The following UBN2 variants were observed in gnomAD, a reference collection of about 807,000 sequenced individuals.
The protein encoded by UBN2 is ubinuclein-2.
Under a neutral mutation model 120.2 loss-of-function variants are expected in UBN2, and 35 were observed. The observed-to-expected ratio is 0.29, with a 90% CI of 0.22 to 0.39. UBN2 has a LOEUF of 0.39. Among genes scored for constraint, UBN2 ranks in the 10% least tolerant of loss-of-function variants. UBN2 has a pLI of 1.00. For missense variants in UBN2, 1,693 were observed against 1,663.2 expected, an observed-to-expected ratio of 1.02 and a Z score of -0.31; for synonymous variants, 661 against 648.7, an observed-to-expected ratio of 1.02 and a Z score of -0.29.
chr7:139,273,101 A>G (rs1797337008), intron 9 of UBN2, among the ~76,000 whole-genome samples, 196 bp from the exon 10 acceptor site: 1 of 152,228 alleles, frequency 6.6e-6, no homozygotes, highest in Admixed American at 6.5e-5. Context: ...GTGCCTTTAC[A>G]TTATAATCTG....
intron 13 of UBN2, among the ~76,000 whole-genome samples, chr7:139,280,005 C>T (rs545447983): frequency 6.6e-6 from 1 of 152,314 alleles, no homozygotes; most frequent in South Asian, 2.1e-4. Flanking sequence ...GTTTCAGTTA[C>T]ACTACCTCTA....
chr7:139,261,394 T>C lies in UBN2; in HGVS notation c.1048T>C (p.Leu350=), dbSNP rs774640695. Residue 350 remains leucine, a synonymous_variant, in exon 6 of 18, where the codon TTG becomes CTG. Coordinates refer to ENST00000473989, the MANE Select transcript of UBN2 (RefSeq NM_173569.4). ...GTCTAACCCCAAAGTCCCAGTGACCTTGTCAACCCCTTCTCTGAATAAACC... is the reference window on the plus strand; with the variant it reads ...GTCTAACCCCAAAGTCCCAGTGACCCTGTCAACCCCTTCTCTGAATAAACC... ...KESNPKVPVT[L]STPSLNKPPC... is the part of the protein sequence containing the mutation. 5 of 1,614,076 alleles carry C rather than the reference T, an allele frequency of 3.1e-6. No individual in the cohort carries two copies. In the African/African-American group the frequency reaches 6.7e-5, roughly 22 times the overall value.
At chr7:139,309,371 G>A (rs938550773), downstream of UBN2, among the ~76,000 whole-genome samples, 2 of 152,338 alleles carry the variant, frequency 1.3e-5, no homozygotes, top group South Asian at 4.1e-4. Context: ...GAGGGGGACT[G>A]TAAGTGCCTT....
intron 1 of UBN2, among the ~76,000 whole-genome samples, chr7:139,235,058 G>C (rs1220795467): frequency 6.6e-6 from 1 of 151,810 alleles, no homozygotes. Context: ...TGTTTTTGTA[G>C]GCTGTCAAGA....
rs889179822 is a variant in UBN2 at position 139,275,582 on chromosome 7, C to CA, written c.1974-503dup. Among the ~76,000 whole-genome samples the CA allele has an allele frequency of 9.7e-3, 1,125 of 116,002 alleles. 6 individuals are homozygous for CA. Among genetic ancestry groups the CA allele is most frequent in the African/African-American group, 0.028 (895 of 31,648 alleles). 76.1% of individuals were successfully genotyped at this position (116,002 alleles called of 152,430 possible). ...TGGGTGACAGAGCGAGACTCTGTCT[C>CA]AAAAAAAAAAAACGAGTTAAGTAAA... On this transcript the variant is annotated intron_variant, in intron 11 of 17. Transcript: ENST00000473989.
chr7:139,284,845 C>G (rs1394834797), intron 15 of UBN2, among the ~76,000 whole-genome samples: 1 of 152,040 alleles, frequency 6.6e-6, no homozygotes, highest in African/African-American at 2.4e-5. Context: ...TCATTACAAG[C>G]AACCATCACT....
At chr7:139,249,734 C>A (rs1202818222) in intron 2 of UBN2, among the ~76,000 whole-genome samples, 1 of 152,052 alleles carries the variant, frequency 6.6e-6, no homozygotes, top group Non-Finnish European at 1.5e-5. Flanking sequence ...GAGATAGGGT[C>A]TCGCTCTGTC....
chr7:139,314,183 G>A, the UBN2 span, among the ~76,000 whole-genome samples: 24 of 150,386 alleles, frequency 1.6e-4, no homozygotes, highest in African/African-American at 5.8e-4. Context: ...GTGGCTGGGT[G>A]CAGTGGTTCA....
In UBN2 at chr7:139,304,660, G is replaced by A. The variant is rs1798326544; in HGVS notation, c.*6824G>A. On this transcript the variant is annotated 3_prime_UTR_variant, in exon 18 of 18. Transcript: ENST00000473989. Reference sequence around the variant, plus strand: ...CAGGTCCAAGCAGACAAAGCATCTGGTTAATTTCCAGAATTGGCTAAGGTC... The same window carrying A: ...CAGGTCCAAGCAGACAAAGCATCTGATTAATTTCCAGAATTGGCTAAGGTC... 1 of 150,704 alleles carries A rather than the reference G, an allele frequency of 6.6e-6. No individual in the cohort carries two copies. The highest frequency in any genetic ancestry group is 2.5e-5 in the African/African-American group (1 of 40,734). 9.3% of individuals were successfully genotyped at this position (150,704 alleles called of 1,614,324 possible).
rs1204074818 is a variant in UBN2, at chr7:139,276,352, A to C, written c.2024+205A>C. ...ACCTACTAAATCCACACTGTGACACATAATGGCCTGGGATTCTGGTAGTAG... is the reference window on the plus strand; with the variant it reads ...ACCTACTAAATCCACACTGTGACACCTAATGGCCTGGGATTCTGGTAGTAG... On this transcript the variant is annotated intron_variant, in intron 12 of 17. Coordinates refer to ENST00000473989, the MANE Select transcript of UBN2 (RefSeq NM_173569.4). 5.5e-6 allele frequency: 3 copies of C among 543,420 alleles called. No homozygotes were observed. In the South Asian group the frequency reaches 6.6e-5, roughly 12 times the overall value. The allele number at this position is 543,420 out of a possible 1,614,324, so 33.7% of individuals were successfully genotyped here. A position where few individuals can be genotyped will look rare whatever the true frequency, so the allele number is the denominator to read the frequency against.
chr7:139,278,233 G>T (rs1450008768), intron 12 of UBN2, among the ~76,000 whole-genome samples: 1 of 148,652 alleles, frequency 6.7e-6, no homozygotes, highest in Non-Finnish European at 1.5e-5. Flanking sequence ...CCAGGCTGGA[G>T]TTCAGTGGCA....
rs1798268208 is a variant in UBN2, at chr7:139,301,934, A to T, written c.*4098A>T. The stretch of plus-strand genomic sequence containing the variant: ...TGAAGCAGAAGAAAAGTGCAGTAGT[A>T]GATAAATGATCACAACATGTTATGC... On this transcript the variant is annotated 3_prime_UTR_variant, in exon 18 of 18. Transcript: ENST00000473989. 6.6e-6 allele frequency: 1 copy of T among 152,206 alleles called. No homozygotes were observed. Among genetic ancestry groups the T allele is most frequent in the South Asian group, 2.1e-4 (1 of 4,836 alleles). 9.4% of individuals were successfully genotyped at this position (152,206 alleles called of 1,614,324 possible). A position where few individuals can be genotyped will look rare whatever the true frequency, so the allele number is the denominator to read the frequency against.
chr7:139,300,858 CAAA>C lies in UBN2; in HGVS notation c.*3023_*3025del, dbSNP rs1798239029. 6.6e-6 allele frequency: 1 copy of C among 152,148 alleles called. No homozygotes were observed. Among genetic ancestry groups the C allele is most frequent in the Non-Finnish European group, 1.5e-5 (1 of 68,028 alleles). 9.4% of individuals were successfully genotyped at this position (152,148 alleles called of 1,614,324 possible). A position where few individuals can be genotyped will look rare whatever the true frequency, so the allele number is the denominator to read the frequency against. ...CTGAGCCTCAGTTGGAGACTGGGAG[CAAA>C]GTGTCAAGCTCATTCAGAGCATCCA... On this transcript the variant is annotated 3_prime_UTR_variant, in exon 18 of 18. Coordinates refer to ENST00000473989, the MANE Select transcript of UBN2 (RefSeq NM_173569.4).
intron 2 of UBN2, among the ~76,000 whole-genome samples, chr7:139,238,699 G>C (rs940335909): frequency 5.9e-5 from 9 of 152,194 alleles, no homozygotes; most frequent in Non-Finnish European, 1.2e-4. Flanking sequence ...TGGGATTACA[G>C]GCGTGAGCCA....
chr7:139,250,138 G>A (rs1796583982), intron 2 of UBN2, among the ~76,000 whole-genome samples: 1 of 152,164 alleles, frequency 6.6e-6, no homozygotes, highest in African/African-American at 2.4e-5. Flanking sequence ...CTACTTGGGA[G>A]TGTGAGGTGG....
chr7:139,248,313 G>C (rs1796528277), intron 2 of UBN2, among the ~76,000 whole-genome samples: 1 of 152,136 alleles, frequency 6.6e-6, no homozygotes, highest in Non-Finnish European at 1.5e-5. Flanking sequence ...AGAAGAAAAT[G>C]TAAGAGTATT....
intron 2 of UBN2, among the ~76,000 whole-genome samples, chr7:139,244,893 G>T (rs1267540170): frequency 6.6e-6 from 1 of 151,824 alleles, no homozygotes; most frequent in Admixed American, 6.6e-5. Flanking sequence ...AACTCTTCTT[G>T]TTACCTTCTA....
chr7:139,279,294 C>T (rs1423027377), intron 12 of UBN2, 24 bp from the exon 13 acceptor site: 11 of 1,595,214 alleles, frequency 6.9e-6, no homozygotes, highest in Non-Finnish European at 9.4e-6. Flanking sequence ...ACTGAAATAG[C>T]CTTTTAAAAT....
Position 139,306,149 on chromosome 7 carries a change from A to G in UBN2, c.*8313A>G, listed in dbSNP as rs917866908. ...GGAAATACTTCTGTTTTTGAAGTTAACAACACCGTCTGCCCTCAAAGCACA... is the reference window on the plus strand; with the variant it reads ...GGAAATACTTCTGTTTTTGAAGTTAGCAACACCGTCTGCCCTCAAAGCACA... On this transcript the variant is annotated 3_prime_UTR_variant, in exon 18 of 18. Transcript: ENST00000473989. The G allele has an allele frequency of 2.6e-5, 4 of 152,242 alleles. No individual in the cohort carries two copies. Among genetic ancestry groups the G allele is most frequent in the African/African-American group, 9.6e-5 (4 of 41,468 alleles). 9.4% of individuals were successfully genotyped at this position (152,242 alleles called of 1,614,324 possible). A position where few individuals can be genotyped will look rare whatever the true frequency, so the allele number is the denominator to read the frequency against.
Sources: gnomAD v4.1 joint callset for allele counts (sites outside exome capture counted in the v4.1 genomes callset) on GRCh38, gnomAD v4.1.1 for gene constraint, MANE v1.5 for transcripts, NCBI Gene and HGNC (gene_info 2026-07-23, HGNC 2026-07-21) for gene names.